WWOX: variants seen among roughly 807,000 people sequenced by gnomAD.
WWOX encodes the protein WW domain containing oxidoreductase.
WWOX carries 69 observed loss-of-function variants against 46.2 expected under a neutral mutation model. The ratio of observed to expected loss-of-function variants is 1.49; its 90% CI spans 1.23 to 1.82. The LOEUF (loss-of-function observed/expected upper bound fraction) is 1.82, where lower values mean the gene tolerates loss of function less well. Among genes scored for constraint, WWOX ranks in the 40% most tolerant of loss-of-function variants. The probability of loss-of-function intolerance (pLI) is 0.00; values close to 1 mark genes in which losing one functional copy is unlikely to be tolerated. For synonymous variants in WWOX, 359 were observed against 202.6 expected, an observed-to-expected ratio of 1.77 and a Z score of -6.56; for missense variants, 919 against 542.6, an observed-to-expected ratio of 1.69 and a Z score of -6.89.
At chr16:78,173,153 A>T (rs750900383) in intron 5 of WWOX, among the ~76,000 whole-genome samples, 35 of 152,224 alleles carry the variant, frequency 2.3e-4, no homozygotes, top group Non-Finnish European at 4.1e-4. Context: ...TTTAAAATGC[A>T]GCTAATTTTT....
intron 8 of WWOX, among the ~76,000 whole-genome samples, chr16:79,105,022 G>A (rs1029093534): frequency 1.3e-5 from 2 of 152,082 alleles, no homozygotes; most frequent in Admixed American, 6.6e-5. Flanking sequence ...CGGTCAGCAC[G>A]GGGCTGGGTC....
At chr16:78,838,087 C>G (rs2052038993) in intron 8 of WWOX, among the ~76,000 whole-genome samples, 1 of 152,172 alleles carries the variant, frequency 6.6e-6, no homozygotes, top group South Asian at 2.1e-4. Context: ...TCTGCTTTGT[C>G]TCTGGGGTTG....
intron 8 of WWOX, among the ~76,000 whole-genome samples, chr16:78,597,217 G>T (rs1317144886): frequency 6.6e-6 from 1 of 152,142 alleles, no homozygotes; most frequent in Non-Finnish European, 1.5e-5. Flanking sequence ...AGGAGCTGTT[G>T]GGAAGTCCAT....
At chr16:78,948,712 A>C (rs2045997657) in intron 8 of WWOX, among the ~76,000 whole-genome samples, 1 of 152,056 alleles carries the variant, frequency 6.6e-6, no homozygotes, top group African/African-American at 2.4e-5. Context: ...GGTAGGCAGA[A>C]CTTTGGCCCT....
chr16:78,502,995 C>T (rs186641725), intron 8 of WWOX, among the ~76,000 whole-genome samples: 33 of 152,272 alleles, frequency 2.2e-4, no homozygotes, highest in Non-Finnish European at 3.4e-4. Context: ...TACACAGCCT[C>T]GGCAGTGTTT....
intron 8 of WWOX, among the ~76,000 whole-genome samples, chr16:79,071,739 A>G (rs564421672): frequency 1.0e-3 from 157 of 152,286 alleles, no homozygotes; most frequent in African/African-American, 3.5e-3. Flanking sequence ...TGATTGCTTC[A>G]AGTAATTGAT....
chr16:78,900,751 C>T (rs1160073500), intron 8 of WWOX, among the ~76,000 whole-genome samples: 2 of 151,568 alleles, frequency 1.3e-5, no homozygotes, highest in African/African-American at 4.8e-5. Flanking sequence ...GTACCACTTT[C>T]AAGAATATTC....
intron 8 of WWOX, among the ~76,000 whole-genome samples, chr16:78,499,787 A>T (rs1178708343): frequency 6.6e-6 from 1 of 152,186 alleles, no homozygotes; most frequent in Non-Finnish European, 1.5e-5. Context: ...ACGCATTTGT[A>T]AGAAATCGAG....
chr16:78,122,483 G>A (rs533764299), intron 4 of WWOX, among the ~76,000 whole-genome samples: 126 of 152,180 alleles, frequency 8.3e-4, no homozygotes, highest in African/African-American at 2.9e-3. Context: ...GTAGCATTAC[G>A]TAAAGCTTGA....
intron 5 of WWOX, among the ~76,000 whole-genome samples, chr16:78,335,775 G>A (rs988145369): frequency 2.0e-5 from 3 of 152,112 alleles, no homozygotes; most frequent in African/African-American, 7.2e-5. Context: ...GCAGAACTGA[G>A]GTGGGCCCCA....
intron 8 of WWOX, among the ~76,000 whole-genome samples, chr16:78,880,152 T>C (rs1363965957): frequency 6.6e-6 from 1 of 152,222 alleles, no homozygotes; most frequent in Non-Finnish European, 1.5e-5. Context: ...ATTTCAGAGA[T>C]GTTGGATCAA....
At chr16:79,036,692 T>C (rs978558355) in intron 8 of WWOX, among the ~76,000 whole-genome samples, 2 of 152,226 alleles carry the variant, frequency 1.3e-5, no homozygotes, top group African/African-American at 4.8e-5. Context: ...CTGCACTTGA[T>C]TGAACGAGTG....
At chr16:78,647,987 G>C (rs956497737) in intron 8 of WWOX, among the ~76,000 whole-genome samples, 1 of 151,982 alleles carries the variant, frequency 6.6e-6, no homozygotes, top group East Asian at 1.9e-4. Context: ...ATTTGCTTTC[G>C]CTTAGTATTT....
chr16:78,236,540 A>G (rs2037444971), intron 5 of WWOX, among the ~76,000 whole-genome samples: 1 of 152,172 alleles, frequency 6.6e-6, no homozygotes, highest in South Asian at 2.1e-4. Flanking sequence ...GTTTACTCGT[A>G]CGAACTTGTC....
At chr16:78,980,142 G>C (rs1369696151) in intron 8 of WWOX, among the ~76,000 whole-genome samples, 1 of 152,090 alleles carries the variant, frequency 6.6e-6, no homozygotes, top group Non-Finnish European at 1.5e-5. Context: ...CAATCAACCA[G>C]TCAATGTGTG....
At chr16:78,323,747 A>C (rs1008758183) in intron 5 of WWOX, among the ~76,000 whole-genome samples, 1 of 152,194 alleles carries the variant, frequency 6.6e-6, no homozygotes, top group African/African-American at 2.4e-5. Flanking sequence ...TTGATAAATA[A>C]GATTGCATGT....
chr16:78,655,926 G>C (rs1344384168), intron 8 of WWOX, among the ~76,000 whole-genome samples: 1 of 152,010 alleles, frequency 6.6e-6, no homozygotes, highest in South Asian at 2.1e-4. Flanking sequence ...GGTTATCTTT[G>C]TGCATCTTAA....
intron 5 of WWOX, among the ~76,000 whole-genome samples, chr16:78,363,644 CCTTT>C (rs2081464123): frequency 6.6e-6 from 1 of 152,120 alleles, no homozygotes; most frequent in Admixed American, 6.5e-5. Context: ...AAGATATTCC[CCTTT>C]CTTCTAAATA....
intron 5 of WWOX, among the ~76,000 whole-genome samples, chr16:78,281,563 C>CT (rs1209807411): frequency 1.3e-5 from 2 of 152,092 alleles, no homozygotes; most frequent in Admixed American, 6.5e-5. Flanking sequence ...ATTTTGGGGC[C>CT]TTGTAGTGTT....
Sources: gnomAD v4.1 joint callset for allele counts (sites outside exome capture counted in the v4.1 genomes callset) on GRCh38, gnomAD v4.1.1 for gene constraint, MANE v1.5 for transcripts, NCBI Gene and HGNC (gene_info 2026-07-23, HGNC 2026-07-21) for gene names.